HDAC9: variants seen among roughly 807,000 people sequenced by gnomAD.
The protein encoded by HDAC9 is histone deacetylase 9.
A neutral mutation model predicts 139.4 loss-of-function variants in HDAC9; 41 were observed. That is an observed-to-expected ratio of 0.29 (90% CI 0.23 to 0.38). HDAC9 has a LOEUF of 0.38. Ranked by LOEUF, HDAC9 falls within the 10% of genes least tolerant of loss-of-function variation. The probability of loss-of-function intolerance (pLI) is 1.00; values close to 1 mark genes in which losing one functional copy is unlikely to be tolerated. For synonymous variants in HDAC9, 517 were observed against 476.2 expected (o/e 1.09, Z -1.12); for missense variants, 1,147 against 1,297.0 (o/e 0.88, Z 1.78).
intron 14 of HDAC9, among the ~76,000 whole-genome samples, chr7:18,752,125 G>A (rs1023854629): frequency 1.3e-5 from 2 of 152,080 alleles, no homozygotes; most frequent in African/African-American, 4.8e-5. Flanking sequence ...CGAATGCCGT[G>A]AAAAATACAA....
chr7:18,772,332 A>T (rs1301353808), intron 16 of HDAC9, among the ~76,000 whole-genome samples: 1 of 152,068 alleles, frequency 6.6e-6, no homozygotes, highest in Non-Finnish European at 1.5e-5. Context: ...CTTCCAAAAA[A>T]GGAGGGAAAA....
At chr7:18,968,644 G>C (rs1257941691) in intron 24 of HDAC9, among the ~76,000 whole-genome samples, 6 of 152,072 alleles carry the variant, frequency 3.9e-5, no homozygotes, top group African/African-American at 1.4e-4. Flanking sequence ...ACTGAGTTGA[G>C]AATAAAGCCA....
At chr7:18,826,940 T>C (rs966069566) in intron 17 of HDAC9, among the ~76,000 whole-genome samples, 1 of 151,862 alleles carries the variant, frequency 6.6e-6, no homozygotes, top group African/African-American at 2.4e-5. Context: ...TCATTTTTGT[T>C]ATAAAACTAT....
chr7:18,841,128 A>G (rs1796556077), intron 21 of HDAC9, among the ~76,000 whole-genome samples: 1 of 152,050 alleles, frequency 6.6e-6, no homozygotes, highest in Admixed American at 6.6e-5. Flanking sequence ...TTATTTTATA[A>G]AATATATCAT....
intron 21 of HDAC9, among the ~76,000 whole-genome samples, chr7:18,850,418 A>G (rs1249756363): frequency 6.6e-6 from 1 of 152,162 alleles, no homozygotes; most frequent in Non-Finnish European, 1.5e-5. Flanking sequence ...ATGAAAGCGT[A>G]GGGGAGGATT....
chr7:18,967,762 T>C (rs1783970791), intron 24 of HDAC9, among the ~76,000 whole-genome samples: 1 of 152,096 alleles, frequency 6.6e-6, no homozygotes, highest in Non-Finnish European at 1.5e-5. Flanking sequence ...ATTCTACCAA[T>C]GAAAATCTAA....
chr7:18,829,176 G>A lies in HDAC9; in HGVS notation c.2338G>A (p.Val780Met), dbSNP rs1795677410. 6.2e-7 allele frequency: 1 copy of A among 1,613,106 alleles called. No individual in the cohort carries two copies. The highest frequency in any genetic ancestry group is 8.5e-7 in the Non-Finnish European group (1 of 1,179,082). The change falls in exon 18 of 26, where the codon GTG (valine) becomes ATG (methionine). Residue 780 changes from valine (V) to methionine (M), a missense_variant. Val to Met is a conservative substitution (Grantham distance 21, BLOSUM62 1). Around this residue, in one of 7 missense-constraint regions of HDAC9, gnomAD observed 407 missense variants for 521.5 expected, o/e 0.78. Coordinates refer to ENST00000686413, the MANE Select transcript of HDAC9 (RefSeq NM_178425.4). ...SGELKNGFAV[V>M]RPPGHHAEES... ...GTTTTCACAGAATGGGTTTGCTGTTGTGAGGCCCCCTGGCCATCACGCTGA... is the reference window on the plus strand; with the variant it reads ...GTTTTCACAGAATGGGTTTGCTGTTATGAGGCCCCCTGGCCATCACGCTGA...
intron 1 of HDAC9, among the ~76,000 whole-genome samples, chr7:18,348,485 A>AT (rs920161110): frequency 6.6e-5 from 10 of 152,050 alleles, no homozygotes; most frequent in African/African-American, 2.2e-4. Flanking sequence ...GAAATGCTTA[A>AT]TTTTTCTGAA....
At chr7:18,282,763 A>T (rs987476440) in intron 2 of HDAC9, among the ~76,000 whole-genome samples, 1 of 152,066 alleles carries the variant, frequency 6.6e-6, no homozygotes, top group African/African-American at 2.4e-5. Flanking sequence ...CACATGGTTG[A>T]TGTTGTAGTC....
chr7:18,988,144 A>G (rs910788890), intron 25 of HDAC9, among the ~76,000 whole-genome samples: 14 of 151,864 alleles, frequency 9.2e-5, no homozygotes, highest in Non-Finnish European at 2.1e-4. Context: ...AGTTCTTTTA[A>G]TTGTGATGTT....
intron 24 of HDAC9, 130 bp from the exon 25 acceptor site, chr7:18,975,676 C>T: frequency 1.2e-6 from 1 of 859,074 alleles, no homozygotes; most frequent in Non-Finnish European, 1.8e-6. Context: ...AGTTAAGAAA[C>T]CAAATTACAA....
At chr7:18,661,271 C>T (rs1793044632) in intron 11 of HDAC9, among the ~76,000 whole-genome samples, 1 of 152,014 alleles carries the variant, frequency 6.6e-6, no homozygotes, top group Admixed American at 6.6e-5. Context: ...AAGCTGTTTA[C>T]TCAAATGAGA....
chr7:18,469,879 G>A (rs911418711), intron 1 of HDAC9, among the ~76,000 whole-genome samples: 8 of 152,094 alleles, frequency 5.3e-5, no homozygotes, highest in East Asian at 1.9e-4. Context: ...ATGTCACCCA[G>A]CTTGACGCCC....
At chr7:18,745,836 G>A (rs1014867974) in intron 13 of HDAC9, among the ~76,000 whole-genome samples, 11 of 148,908 alleles carry the variant, frequency 7.4e-5, no homozygotes, top group African/African-American at 2.0e-4. Context: ...GTGAGCCACC[G>A]TGCCCGGCCC....
intron 1 of HDAC9, among the ~76,000 whole-genome samples, chr7:18,119,858 A>AT (rs1417131963): frequency 2.0e-5 from 3 of 152,164 alleles, no homozygotes; most frequent in Non-Finnish European, 4.4e-5. Flanking sequence ...TTCTCTCAAA[A>AT]TTCTTTTCTA....
At chr7:18,488,798 G>A (rs1311070895) in intron 1 of HDAC9, among the ~76,000 whole-genome samples, 1 of 151,880 alleles carries the variant, frequency 6.6e-6, no homozygotes, top group African/African-American at 2.4e-5. Flanking sequence ...CATTCAAATT[G>A]TACTAGATAA....
rs11766707 is a variant in HDAC9 at position 18,244,670 on chromosome 7, C to T, written c.25+82321C>T. On this transcript the variant is annotated intron_variant, in intron 2 of 12. Transcript: ENST00000417496. ...AAAATTATCTGGGCGTGGTGGCGGGCGCCTGTAGTCCCAGCTACTCGGGAG... is the reference window on the plus strand; with the variant it reads ...AAAATTATCTGGGCGTGGTGGCGGGTGCCTGTAGTCCCAGCTACTCGGGAG... Among the ~76,000 whole-genome samples, 27 of 152,126 alleles carry T rather than the reference C, an allele frequency of 1.8e-4. No individual in the cohort carries two copies. In the East Asian group the frequency reaches 4.3e-3, roughly 24 times the overall value.
intron 2 of HDAC9, among the ~76,000 whole-genome samples, chr7:18,523,910 G>A (rs1034098517): frequency 1.0e-4 from 3 of 29,184 alleles, no homozygotes; most frequent in South Asian, 1.2e-3. Flanking sequence ...CCCCCTCCCC[G>A]CTCCGCCCTG....
intron 24 of HDAC9, among the ~76,000 whole-genome samples, chr7:18,967,287 T>C (rs73307052): frequency 6.6e-6 from 1 of 152,224 alleles, no homozygotes; most frequent in East Asian, 1.9e-4. Flanking sequence ...ATTAAAAATT[T>C]TGTAAATCAA....
Sources: gnomAD v4.1 joint callset for allele counts (sites outside exome capture counted in the v4.1 genomes callset) on GRCh38, gnomAD v4.1.1 for gene constraint, gnomAD v4.1.1 regional missense constraint, MANE v1.5 for transcripts, NCBI Gene and HGNC (gene_info 2026-07-23, HGNC 2026-07-21) for gene names.